SASH1: variants seen among roughly 807,000 people sequenced by gnomAD.
The protein encoded by SASH1 is SAM and SH3 domain-containing protein 1.
SASH1 carries 44 observed loss-of-function variants against 125.2 expected under a neutral mutation model. The observed-to-expected ratio is 0.35, with a 90% CI of 0.28 to 0.45. The LOEUF is 0.45. Among genes scored for constraint, SASH1 ranks in the 20% least tolerant of loss-of-function variants. The probability of loss-of-function intolerance (pLI) is 1.00; values close to 1 mark genes in which losing one functional copy is unlikely to be tolerated. For synonymous variants in SASH1, 639 were observed against 649.1 expected (o/e 0.98, Z 0.24); for missense variants, 1,426 against 1,614.5 (o/e 0.88, Z 2.00).
the SASH1 span, among the ~76,000 whole-genome samples, chr6:148,245,794 T>C: frequency 1.3e-5 from 2 of 151,994 alleles, no homozygotes; most frequent in Non-Finnish European, 2.9e-5. Flanking sequence ...GAGACCATCC[T>C]GGCTAACACA....
intron 2 of SASH1, among the ~76,000 whole-genome samples, chr6:148,432,612 C>T (rs1238239065): frequency 6.6e-6 from 1 of 152,212 alleles, no homozygotes; most frequent in Non-Finnish European, 1.5e-5. Flanking sequence ...AGGAGGAGAA[C>T]TTGGCACTGA....
chr6:148,387,517 TTC>T (rs1006705717), intron 1 of SASH1, among the ~76,000 whole-genome samples: 1 of 113,182 alleles, frequency 8.8e-6, no homozygotes, highest in African/African-American at 4.4e-5. Context: ...TTCTTTTTCC[TTC>T]TTTCTTTCTT....
chr6:148,490,201 C>T (rs1779051038), intron 8 of SASH1, among the ~76,000 whole-genome samples: 2 of 151,712 alleles, frequency 1.3e-5, no homozygotes, highest in East Asian at 3.9e-4. Flanking sequence ...ATGAAGGCTC[C>T]AGAATTTCAT....
chr6:148,220,500 T>G, the SASH1 span, among the ~76,000 whole-genome samples: 1 of 152,204 alleles, frequency 6.6e-6, no homozygotes, highest in Non-Finnish European at 1.5e-5. Context: ...GCGGGACATA[T>G]TCAAACCATA....
At position 148,527,454 on chromosome 6, in the gene SASH1, G is replaced by A; in HGVS notation, c.1286G>A (p.Gly429Asp). The A allele has an allele frequency of 5.0e-6, 8 of 1,592,144 alleles. No homozygotes were observed. Among genetic ancestry groups the A allele is most frequent in the South Asian group, 1.2e-5 (1 of 85,964 alleles). ...HVGSNNSDPM[G>D]KEGDFVYKEV... ...TACTTGCAACATTTTGTTTTACAGG[G>A]TAAAGAAGGAGACTTTGTGTACAAA... Residue 429 changes from glycine to aspartate, a missense_variant and splice_region_variant, in exon 12 of 20, where the codon GGT becomes GAT. By Grantham distance (94) the Gly-to-Asp change is moderately conservative (BLOSUM62 -1). Coordinates refer to ENST00000367467, the MANE Select transcript of SASH1 (RefSeq NM_015278.5).
chr6:148,456,873 C>CAATAATAATAATAATAAT (rs56067798), intron 4 of SASH1, among the ~76,000 whole-genome samples: 12,831 of 142,136 alleles, frequency 0.09, 716 homozygotes, highest in East Asian at 0.17. Context: ...TGTCTCATAA[C>CAATAATAATAATAATAAT]AATAATAATA....
chr6:148,294,289 G>A (rs1779708496), intron 1 of SASH1, among the ~76,000 whole-genome samples: 1 of 152,194 alleles, frequency 6.6e-6, no homozygotes, highest in South Asian at 2.1e-4. Context: ...CAGGATCAGC[G>A]GTTGAAATGG....
the SASH1 span, among the ~76,000 whole-genome samples, chr6:148,238,470 T>A: frequency 5.9e-3 from 899 of 152,200 alleles, 7 homozygotes; most frequent in African/African-American, 0.021. Context: ...GTGATCCACC[T>A]GCCTCAGCCT....
chr6:148,218,342 C>T, the SASH1 span, among the ~76,000 whole-genome samples: 1 of 152,232 alleles, frequency 6.6e-6, no homozygotes, highest in South Asian at 2.1e-4. Flanking sequence ...ACAATAAGAC[C>T]CCAACCCAAA....
chr6:148,343,109 G>C lies in SASH1; in HGVS notation c.42G>C (p.Glu14Asp). 1 of 1,580,288 alleles carries C rather than the reference G, an allele frequency of 6.3e-7. No individual in the cohort carries two copies. Among genetic ancestry groups the C allele is most frequent in the Non-Finnish European group, 8.5e-7 (1 of 1,170,372 alleles). Residue 14 changes from glutamate (E) to aspartate (D), a missense_variant, in exon 1 of 20, where the codon GAG becomes GAC. Glu to Asp is a conservative substitution (Grantham distance 45). Around this residue, in one of 3 missense-constraint regions of SASH1, gnomAD observed 567 missense variants for 575.6 expected, o/e 0.99. Coordinates refer to ENST00000367467, the MANE Select transcript of SASH1 (RefSeq NM_015278.5). Reference sequence around the variant, plus strand: ...CAGCTGGCCCGGGGCCGGAGCCTGAGCCCGAGCCCGAGCCGGAGCCCGAGC... The same window carrying C: ...CAGCTGGCCCGGGGCCGGAGCCTGACCCCGAGCCCGAGCCGGAGCCCGAGC... ...AGAAGPGPEP[E>D]PEPEPEPEPA...
intron 8 of SASH1, among the ~76,000 whole-genome samples, chr6:148,490,217 C>CTT (rs200061390): frequency 1.4e-5 from 2 of 147,090 alleles, no homozygotes; most frequent in Non-Finnish European, 3.0e-5. Context: ...TTCATATAGG[C>CTT]TTTTTTTTTT....
At chr6:148,491,640 C>T (rs1779115524) in intron 8 of SASH1, among the ~76,000 whole-genome samples, 1 of 152,088 alleles carries the variant, frequency 6.6e-6, no homozygotes, top group Admixed American at 6.6e-5. Flanking sequence ...CAGTCTTTAC[C>T]TTTTTTTCTA....
chr6:148,240,015 G>A, the SASH1 span: 1 of 152,190 alleles, frequency 6.6e-6, no homozygotes, highest in East Asian at 1.9e-4. Flanking sequence ...CCAGGACACT[G>A]ACGTGTGGCA....
chr6:148,322,147 T>C (rs1780648848), intron 1 of SASH1, among the ~76,000 whole-genome samples: 1 of 151,996 alleles, frequency 6.6e-6, no homozygotes, highest in African/African-American at 2.4e-5. Flanking sequence ...GGTCAGGAGT[T>C]CGAGACCAGC....
chr6:148,310,263 A>G (rs1780264766), intron 1 of SASH1, among the ~76,000 whole-genome samples: 1 of 152,192 alleles, frequency 6.6e-6, no homozygotes, highest in African/African-American at 2.4e-5. Flanking sequence ...CGGAGGTTGC[A>G]GTAAGCCAAG....
the SASH1 span, among the ~76,000 whole-genome samples, chr6:148,211,764 C>T: frequency 6.6e-6 from 1 of 152,172 alleles, no homozygotes; most frequent in Admixed American, 6.5e-5. Flanking sequence ...ACCAGTGATA[C>T]ACTGCATGAT....
At chr6:148,398,521 T>C (rs537569478) in intron 2 of SASH1, among the ~76,000 whole-genome samples, 35 of 152,292 alleles carry the variant, frequency 2.3e-4, no homozygotes, top group African/African-American at 8.2e-4. Flanking sequence ...ACCATTGTTT[T>C]TAAGGAACAC....
At chr6:148,398,780 G>A (rs1366271208) in intron 2 of SASH1, among the ~76,000 whole-genome samples, 1 of 152,196 alleles carries the variant, frequency 6.6e-6, no homozygotes, top group Non-Finnish European at 1.5e-5. Context: ...ATTAGATGGT[G>A]AGTCTGAACT....
At chr6:148,467,067 A>G (rs1777871805) in intron 4 of SASH1, among the ~76,000 whole-genome samples, 3 of 140,526 alleles carry the variant, frequency 2.1e-5, no homozygotes, top group Admixed American at 7.2e-5. Context: ...ATTTTGCTCC[A>G]CACTCTACTG....
Sources: allele counts gnomAD v4.1 joint callset (sites outside exome capture counted in the v4.1 genomes callset), GRCh38; gene constraint gnomAD v4.1.1; regional missense constraint gnomAD v4.1.1; transcripts MANE v1.5; gene names NCBI Gene and HGNC (gene_info 2026-07-23, HGNC 2026-07-21).